RFWD3: variants seen among roughly 807,000 people sequenced by gnomAD.
RFWD3 encodes E3 ubiquitin-protein ligase RFWD3.
Under a neutral mutation model 87.7 loss-of-function variants are expected in RFWD3, and 65 were observed. The observed-to-expected ratio is 0.74, with a 90% CI of 0.61 to 0.91. The LOEUF (loss-of-function observed/expected upper bound fraction) is 0.91, where lower values mean the gene tolerates loss of function less well. RFWD3 is among the 40% of genes least tolerant of loss of function. The pLI is 0.00. For missense variants in RFWD3, 1,078 were observed against 938.5 expected, an observed-to-expected ratio of 1.15 and a Z score of -1.94; for synonymous variants, 433 against 352.8, an observed-to-expected ratio of 1.23 and a Z score of -2.55.
chr16:74,626,032 A>T (rs1958922681), intron 12 of RFWD3, among the ~76,000 whole-genome samples: 1 of 152,198 alleles, frequency 6.6e-6, no homozygotes, highest in Admixed American at 6.5e-5. Context: ...CTAAAAATAC[A>T]AAAATCAGTC....
chr16:74,634,375 ACTTT>A (rs1474110079), intron 8 of RFWD3, among the ~76,000 whole-genome samples: 84 of 100,740 alleles, frequency 8.3e-4, no homozygotes, highest in African/African-American at 4.5e-3. Context: ...TTTACTAAGT[ACTTT>A]ATATATATAT....
At chr16:74,629,103 T>G (rs1394133351) in intron 10 of RFWD3, among the ~76,000 whole-genome samples, 1 of 152,186 alleles carries the variant, frequency 6.6e-6, no homozygotes. Flanking sequence ...ACATTTTAAT[T>G]CAGAAACAGG....
Position 74,661,113 on chromosome 16 carries a change from G to T in RFWD3, c.337C>A (p.Pro113Thr), listed in dbSNP as rs1396249375. 2.5e-6 allele frequency: 4 copies of T among 1,614,166 alleles called. No individual in the cohort carries two copies. The highest frequency in any genetic ancestry group is 3.4e-6 in the Non-Finnish European group (4 of 1,180,036). ...GTCATTGAATGCAACGAAGATGCTG[G>T]GATGGTGTGATTACCATCAGATCCC... is the stretch of plus-strand genomic sequence containing the variant. ...RQGSDGNHTI[P>T]ASSLHSMTNF... The change falls in exon 2 of 13, where the codon CCA becomes ACA. Residue 113 changes from proline (P) to threonine (T), a missense_variant. Coordinates refer to ENST00000361070, the MANE Select transcript of RFWD3 (RefSeq NM_018124.4).
At chr16:74,656,577 C>CCTCCTAAG (rs1961007078) in intron 2 of RFWD3, among the ~76,000 whole-genome samples, 1 of 151,900 alleles carries the variant, frequency 6.6e-6, no homozygotes, top group African/African-American at 2.4e-5. Context: ...TTCACCCCAA[C>CCTCCTAAG]CTCCTAAGTA....
intron 7 of RFWD3, 143 bp from the exon 8 acceptor site, chr16:74,636,720 GTT>G (rs1004168279): frequency 1.8e-5 from 10 of 551,134 alleles, no homozygotes; most frequent in Admixed American, 3.5e-5. Context: ...CAGAGTTTTT[GTT>G]TTTTTTTTTA....
chr16:74,643,761 T>A (rs546656091), intron 6 of RFWD3, among the ~76,000 whole-genome samples: 7 of 147,826 alleles, frequency 4.7e-5, no homozygotes, highest in Non-Finnish European at 1.0e-4. Flanking sequence ...CTGCAAGCTC[T>A]GCCTCACGGG....
At chr16:74,649,926 T>C (rs1960442458) in intron 3 of RFWD3, among the ~76,000 whole-genome samples, 1 of 152,182 alleles carries the variant, frequency 6.6e-6, no homozygotes, top group Admixed American at 6.5e-5. Flanking sequence ...CTTTTATATA[T>C]AATAAATTGA....
chr16:74,661,463 G>GT lies in RFWD3; in HGVS notation c.-2-13dup, dbSNP rs1567588731. The GT allele has an allele frequency of 1.3e-6, 2 of 1,575,220 alleles. No homozygotes were observed. Among genetic ancestry groups the GT allele is most frequent in the Non-Finnish European group, 1.7e-6 (2 of 1,163,424 alleles). On this transcript the variant is annotated splice_polypyrimidine_tract_variant and intron_variant, in intron 1 of 12. Coordinates refer to ENST00000361070, the MANE Select transcript of RFWD3 (RefSeq NM_018124.4). ...TTCATGAGCCATCACTAGAGAAACAGTATTTGTAAAAAGTATTAATAAAAT... is the reference window on the plus strand; with the variant it reads ...TTCATGAGCCATCACTAGAGAAACAGTTATTTGTAAAAAGTATTAATAAAAT...
chr16:74,661,701 G>A lies in RFWD3; in HGVS notation c.-2-250C>T, dbSNP rs549935120. Among the ~76,000 whole-genome samples, 23 of 152,246 alleles carry A rather than the reference G, an allele frequency of 1.5e-4. No individual in the cohort carries two copies. The East Asian group carries it at 3.1e-3, about 20-fold the overall frequency. ...AACATGAAGTCCTGTGATCATAGTAGTATCTTCCAAAATAGAAAGATCTAT... is the reference window on the plus strand; with the variant it reads ...AACATGAAGTCCTGTGATCATAGTAATATCTTCCAAAATAGAAAGATCTAT... On this transcript the variant is annotated intron_variant, in intron 1 of 12. Transcript: ENST00000361070.
In RFWD3 at chr16:74,644,683, T is replaced by G. The variant is rs1959970142; in HGVS notation, c.845A>C (p.Glu282Ala). The part of the protein sequence containing the change: ...PLLPSASMDE[E>A]EGDTCTICLE... ...ACATATTGTACAAGTGTCCCCTTCTTCCTCATCCATAGAAGCAGAAGGTAG... is the reference window on the plus strand; with the variant it reads ...ACATATTGTACAAGTGTCCCCTTCTGCCTCATCCATAGAAGCAGAAGGTAG... The change falls in exon 5 of 13, where the codon GAA becomes GCA. Residue 282 changes from glutamate to alanine, a missense_variant. Glu to Ala is a moderately radical substitution (Grantham distance 107, BLOSUM62 -1). Transcript: ENST00000361070. The G allele has an allele frequency of 6.2e-7, 1 of 1,614,094 alleles. No individual in the cohort carries two copies. The highest frequency in any genetic ancestry group is 8.5e-7 in the Non-Finnish European group (1 of 1,180,054).
At chr16:74,633,660 A>G (rs1348578561) in intron 8 of RFWD3, among the ~76,000 whole-genome samples, 2 of 152,026 alleles carry the variant, frequency 1.3e-5, no homozygotes, top group Admixed American at 6.6e-5. Flanking sequence ...GGTAATACAT[A>G]TGTTCATGGC....
At chr16:74,626,670 AAC>A (rs1958945463) in intron 11 of RFWD3, 116 bp from the exon 12 acceptor site, 5 of 691,000 alleles carry the variant, frequency 7.2e-6, no homozygotes, top group Non-Finnish European at 1.2e-5. Context: ...AAATGCATTA[AAC>A]CATCAAGAAC....
Position 74,632,778 on chromosome 16 carries a change from G to C in RFWD3, c.1427-105C>G, listed in dbSNP as rs1188672686. 1.2e-5 allele frequency: 12 copies of C among 1,028,040 alleles called. 1 individual carries two copies. The South Asian group carries it at 1.6e-4, about 14-fold the overall frequency. 63.7% of individuals were successfully genotyped at this position (1,028,040 alleles called of 1,614,324 possible). A position where few individuals can be genotyped will look rare whatever the true frequency, so the allele number is the denominator to read the frequency against. ...TTCGTCCACCTTTCTTGGCGTATAAGTCCTTGGGAACCAGCTGGTCAAACA... is the reference window on the plus strand; with the variant it reads ...TTCGTCCACCTTTCTTGGCGTATAACTCCTTGGGAACCAGCTGGTCAAACA... On this transcript the variant is annotated intron_variant, in intron 8 of 12. Transcript: ENST00000361070.
In RFWD3 at chr16:74,644,401, AG is replaced by A; in HGVS notation, c.1039del (p.Leu347Ter). 1 of 1,614,122 alleles carries A rather than the reference AG, an allele frequency of 6.2e-7. No individual in the cohort carries two copies. Among genetic ancestry groups the A allele is most frequent in the Non-Finnish European group, 8.5e-7 (1 of 1,179,982 alleles). ...CTGTTCACTAGTGTCCAAAGCTCTCAGGGTTCGGGCATAAAGGACGACAATG... is the reference window on the plus strand; with the variant it reads ...CTGTTCACTAGTGTCCAAAGCTCTCAGGTTCGGGCATAAAGGACGACAATG... Reference protein sequence around the residue: ...SDIVVLYARTLRALDTSEQER... With the variant: ...SDIVVLYARTXRALDTSEQER... On this transcript the variant is annotated frameshift_variant, in exon 6 of 13. Transcript: ENST00000361070. LOFTEE classifies it high-confidence loss of function.
rs1328687171 is a variant in RFWD3, at chr16:74,623,595, T to A, written c.*333A>T. The A allele has an allele frequency of 5.0e-6, 1 of 201,982 alleles. No individual in the cohort carries two copies. Among genetic ancestry groups the A allele is most frequent in the Non-Finnish European group, 1.0e-5 (1 of 100,348 alleles). 12.5% of individuals were successfully genotyped at this position (201,982 alleles called of 1,614,324 possible). A position where few individuals can be genotyped will look rare whatever the true frequency, so the allele number is the denominator to read the frequency against. On this transcript the variant is annotated 3_prime_UTR_variant, in exon 13 of 13. Transcript: ENST00000361070. ...GCTTGATGCCCACTCACATCCTAGA[T>A]GATGAGAGGACACTCTCTAAGGTCC...
intron 12 of RFWD3, among the ~76,000 whole-genome samples, chr16:74,624,400 C>CT (rs1171139936): frequency 1.3e-5 from 2 of 152,008 alleles, no homozygotes; most frequent in African/African-American, 4.8e-5. Context: ...GGAACTCACC[C>CT]TTTTTTTTCT....
chr16:74,663,973 C>G (rs1961673975), intron 1 of RFWD3, among the ~76,000 whole-genome samples: 2 of 152,218 alleles, frequency 1.3e-5, no homozygotes, highest in Admixed American at 1.3e-4. Flanking sequence ...TAAAACAAAA[C>G]ACAGAACAAA....
At chr16:74,657,421 A>G (rs1015581384) in intron 2 of RFWD3, among the ~76,000 whole-genome samples, 12 of 151,784 alleles carry the variant, frequency 7.9e-5, no homozygotes, top group Admixed American at 7.2e-4. Flanking sequence ...CCATGGAGAT[A>G]ATTCTCTGTG....
At chr16:74,636,653 T>C (rs1159982053) in intron 7 of RFWD3, 76 bp from the exon 8 acceptor site, 2 of 1,096,690 alleles carry the variant, frequency 1.8e-6, no homozygotes, top group East Asian at 2.6e-5. Flanking sequence ...CTTGATCTTT[T>C]ACAGGAAGAT....
Sources: allele counts gnomAD v4.1 joint callset (sites outside exome capture counted in the v4.1 genomes callset), GRCh38; gene constraint gnomAD v4.1.1; transcripts MANE v1.5; gene names NCBI Gene and HGNC (gene_info 2026-07-23, HGNC 2026-07-21).